Variants in ELF1 observed in about 807,000 individuals in gnomAD.
The protein encoded by ELF1 is E74 like ETS transcription factor 1.
In ELF1, 24 loss-of-function variants were observed where a neutral mutation model predicts 59.9. The ratio of observed to expected loss-of-function variants is 0.40; its 90% CI spans 0.29 to 0.56. The LOEUF (loss-of-function observed/expected upper bound fraction) is 0.56, where lower values mean the gene tolerates loss of function less well. ELF1 is among the 20% of genes least tolerant of loss of function. ELF1 has a pLI of 0.44. For synonymous variants in ELF1, 248 were observed against 266.2 expected (o/e 0.93, Z 0.67); for missense variants, 627 against 742.2 (o/e 0.84, Z 1.80).
intron 8 of ELF1, among the ~76,000 whole-genome samples, chr13:40,938,240 G>C (rs979475677): frequency 2.0e-5 from 3 of 152,200 alleles, no homozygotes; most frequent in Non-Finnish European, 4.4e-5. Flanking sequence ...TTTACCAGCA[G>C]TTTATTTCTG....
chr13:41,034,198 A>T (rs947936550), intron 1 of ELF1, among the ~76,000 whole-genome samples: 1 of 152,202 alleles, frequency 6.6e-6, no homozygotes, highest in East Asian at 1.9e-4. Context: ...CAAGGTCAAA[A>T]AAGAGATTTG....
rs1870283690 is a variant in ELF1 at position 40,943,035 on chromosome 13, C to T, written c.723G>A (p.Val241=). The T allele has an allele frequency of 1.9e-6, 3 of 1,612,942 alleles. No homozygotes were observed. The highest frequency in any genetic ancestry group is 1.1e-5 in the South Asian group (1 of 90,922). ...ACAACCTGGACACTGCTTTAGAATC[C>T]ACCAATTTAAAAATGCCTTTCTCTC... ...TQREKGIFKL[V]DSKAVSRLWG... is the part of the protein sequence containing the mutation. Residue 241 remains valine (V), a synonymous_variant, in exon 7 of 9, where the codon GTG becomes GTA. Transcript: ENST00000239882.
chr13:41,018,047 T>C (rs1344425125), intron 1 of ELF1, among the ~76,000 whole-genome samples: 1 of 152,224 alleles, frequency 6.6e-6, no homozygotes, highest in Non-Finnish European at 1.5e-5. Context: ...CTCTTCCCTT[T>C]AATCTGACAG....
Position 40,958,959 on chromosome 13 carries a change from T to G in ELF1, c.130A>C (p.Ile44Leu). The G allele has an allele frequency of 1.2e-6, 2 of 1,613,878 alleles. No individual in the cohort carries two copies. Residue 44 changes from isoleucine (I) to leucine (L), a missense_variant, in exon 3 of 9, where the codon ATT (isoleucine) becomes CTT (leucine). This residue lies in a region of ELF1 where 232 missense variants were observed against 269.2 expected (regional missense o/e 0.86). Coordinates refer to ENST00000239882, the MANE Select transcript of ELF1 (RefSeq NM_172373.4). ...VIVEHVPGAD[I>L]LNSYAGLACV... ...GCTAGACCGGCATAACTATTGAGAA[T>G]ATCAGCACCAGGAACATGTTCCACA...
chr13:41,061,084 C>T (rs114849419), exon 1 of ELF1: 98 of 196,162 alleles, frequency 5.0e-4, no homozygotes, highest in African/African-American at 1.8e-3. Context: ...CAGCGCCGGT[C>T]CCGCAGTTTC....
intron 1 of ELF1, among the ~76,000 whole-genome samples, chr13:40,996,637 C>G (rs747256187): frequency 3.9e-5 from 6 of 152,170 alleles, no homozygotes; most frequent in Non-Finnish European, 7.3e-5. Flanking sequence ...TCAACTGTAA[C>G]AAGTGCACCG....
intron 5 of ELF1, among the ~76,000 whole-genome samples, chr13:40,945,907 G>C (rs1870474992): frequency 1.3e-5 from 2 of 152,098 alleles, no homozygotes; most frequent in African/African-American, 2.4e-5. Flanking sequence ...GCAATGGTGC[G>C]ATCTTGGCTC....
At chr13:40,967,899 G>T (rs1328702649) in intron 2 of ELF1, among the ~76,000 whole-genome samples, 1 of 151,656 alleles carries the variant, frequency 6.6e-6, no homozygotes, top group Non-Finnish European at 1.5e-5. Context: ...TGTCCTTTTT[G>T]TTTATTAATT....
chr13:41,025,625 G>C (rs578023701), intron 1 of ELF1, among the ~76,000 whole-genome samples: 1 of 152,300 alleles, frequency 6.6e-6, no homozygotes, highest in African/African-American at 2.4e-5. Context: ...TGATTTGAGG[G>C]ACTCTTTGTC....
chr13:41,011,828 T>C (rs994176835), intron 1 of ELF1, among the ~76,000 whole-genome samples: 1 of 151,630 alleles, frequency 6.6e-6, no homozygotes, highest in African/African-American at 2.4e-5. Context: ...CCTGGGGTCA[T>C]GCATTCCTTC....
chr13:40,946,894 A>G (rs890295336), intron 5 of ELF1, among the ~76,000 whole-genome samples: 1 of 152,128 alleles, frequency 6.6e-6, no homozygotes, highest in Admixed American at 6.5e-5. Flanking sequence ...TTTTACATGG[A>G]TTTTTGGCTG....
intron 3 of ELF1, 42 bp downstream of exon 3, chr13:40,958,794 G>C (rs563937817): frequency 2.5e-6 from 4 of 1,573,988 alleles, no homozygotes; most frequent in Non-Finnish European, 3.4e-6. Flanking sequence ...ACTGCCTAAA[G>C]CTGTGCTGCA....
At chr13:40,970,187 G>T (rs975296274) in intron 2 of ELF1, among the ~76,000 whole-genome samples, 1 of 152,106 alleles carries the variant, frequency 6.6e-6, no homozygotes, top group Non-Finnish European at 1.5e-5. Flanking sequence ...AGATTAATGA[G>T]GAAATTAACG....
intron 5 of ELF1, among the ~76,000 whole-genome samples, chr13:40,944,665 T>C (rs1472373690): frequency 1.3e-5 from 2 of 152,154 alleles, no homozygotes; most frequent in African/African-American, 2.4e-5. Flanking sequence ...TCTAGAACCA[T>C]GGCCTAGCAG....
intron 1 of ELF1, among the ~76,000 whole-genome samples, chr13:41,029,538 T>C (rs1245818999): frequency 6.6e-6 from 1 of 152,142 alleles, no homozygotes; most frequent in East Asian, 1.9e-4. Flanking sequence ...TGCACCACCA[T>C]GCCTGGCTAA....
chr13:40,952,962 T>C (rs146491276), intron 3 of ELF1, among the ~76,000 whole-genome samples: 1 of 146,198 alleles, frequency 6.8e-6, no homozygotes, highest in East Asian at 2.0e-4. Flanking sequence ...ATATCTTAAA[T>C]ATACTAACAA....
At chr13:41,042,981 T>G (rs1325862966) in intron 1 of ELF1, among the ~76,000 whole-genome samples, 6 of 152,230 alleles carry the variant, frequency 3.9e-5, no homozygotes, top group African/African-American at 1.4e-4. Flanking sequence ...TCCTGACTTT[T>G]TAATGATTGC....
intron 1 of ELF1, among the ~76,000 whole-genome samples, chr13:41,052,962 CAT>C (rs1877142948): frequency 6.6e-6 from 1 of 152,148 alleles, no homozygotes; most frequent in East Asian, 1.9e-4. Flanking sequence ...CCCACAACTC[CAT>C]ATATTTACTT....
chr13:40,959,195 C>G (rs1871651984), intron 2 of ELF1, among the ~76,000 whole-genome samples, 179 bp from the exon 3 acceptor site: 1 of 152,018 alleles, frequency 6.6e-6, no homozygotes, highest in African/African-American at 2.4e-5. Flanking sequence ...CAAATAATGG[C>G]ATTAAAATTT....
Sources: gnomAD v4.1 joint callset for allele counts (sites outside exome capture counted in the v4.1 genomes callset) on GRCh38, gnomAD v4.1.1 for gene constraint, gnomAD v4.1.1 regional missense constraint, MANE v1.5 for transcripts, NCBI Gene and HGNC (gene_info 2026-07-23, HGNC 2026-07-21) for gene names.